ANXA11: variants seen among roughly 807,000 people sequenced by gnomAD.
ANXA11 encodes annexin A11.
In ANXA11, 57 loss-of-function variants were observed where a neutral mutation model predicts 64.7. The ratio of observed to expected loss-of-function variants is 0.88; its 90% confidence interval spans 0.71 to 1.10. ANXA11 has a LOEUF of 1.10. Among genes scored for constraint, ANXA11 ranks in the 50% least tolerant of loss-of-function variants. The pLI is 0.00. For synonymous variants in ANXA11, 260 were observed against 265.2 expected, an observed-to-expected ratio of 0.98 and a Z score of 0.19; for missense variants, 675 against 670.7, an observed-to-expected ratio of 1.01 and a Z score of -0.07.
intron 1 of ANXA11, among the ~76,000 whole-genome samples, chr10:80,182,847 T>G (rs35701438): frequency 0.042 from 6,321 of 152,288 alleles, 171 homozygotes; most frequent in Non-Finnish European, 0.066. Context: ...CTGGCAGTCT[T>G]GTGGGACTGA....
At position 80,163,682 on chromosome 10, in the gene ANXA11, A is replaced by G. The variant is rs969666312; in HGVS notation, c.950-69T>C. The G allele has an allele frequency of 4.2e-6, 6 of 1,414,520 alleles. No individual in the cohort carries two copies. The African/African-American group carries it at 5.7e-5, about 13-fold the overall frequency. The allele number at this position is 1,414,520 out of a possible 1,614,324, so 87.6% of individuals were successfully genotyped here. A position where few individuals can be genotyped will look rare whatever the true frequency, so the allele number is the denominator to read the frequency against. ...ATGGAGCTGCCCATTGCAAAACACT[A>G]TCAAAAGTGGGTACTGGGGAGAAAA... On this transcript the variant is annotated intron_variant, in intron 9 of 15. Coordinates refer to ENST00000422982, the MANE Select transcript of ANXA11 (RefSeq NM_145868.2).
chr10:80,173,975 T>G (rs1846074141), intron 2 of ANXA11, among the ~76,000 whole-genome samples: 1 of 152,238 alleles, frequency 6.6e-6, no homozygotes, highest in Admixed American at 6.5e-5. Context: ...GGAACTCACT[T>G]TGAAGACCAC....
At chr10:80,156,030 T>C in intron 15 of ANXA11, 118 bp from the exon 16 acceptor site, 1 of 1,055,126 alleles carries the variant, frequency 9.5e-7, no homozygotes, top group South Asian at 1.4e-5. Context: ...CCTGGGGAAT[T>C]TTCTCCCACT....
chr10:80,178,355 G>A (rs1003331131), intron 1 of ANXA11, among the ~76,000 whole-genome samples: 6 of 152,290 alleles, frequency 3.9e-5, no homozygotes, highest in East Asian at 1.9e-4. Context: ...CATGTCCCCC[G>A]CTCTACGCCT....
chr10:80,182,266 C>T (rs1386405393), intron 1 of ANXA11, among the ~76,000 whole-genome samples: 4 of 151,900 alleles, frequency 2.6e-5, no homozygotes, highest in Non-Finnish European at 5.9e-5. Context: ...CTTAATTTTG[C>T]TGTAAATCTA....
At chr10:80,201,509 A>G (rs1438208338) in intron 1 of ANXA11, among the ~76,000 whole-genome samples, 2 of 152,054 alleles carry the variant, frequency 1.3e-5, no homozygotes, top group Non-Finnish European at 2.9e-5. Context: ...CATGTCCAAA[A>G]CCAAATACAT....
intron 1 of ANXA11, among the ~76,000 whole-genome samples, chr10:80,199,406 T>C (rs1270959196): frequency 5.3e-5 from 8 of 152,240 alleles, no homozygotes; most frequent in Admixed American, 3.9e-4. Flanking sequence ...CAAGATAAAC[T>C]TTTTTAAGTG....
intron 1 of ANXA11, chr10:80,181,459 T>C (rs1846351978): frequency 1.3e-5 from 2 of 150,688 alleles, no homozygotes; most frequent in South Asian, 4.2e-4. Context: ...TGAAACCCTG[T>C]CTCAAAAAAA....
At chr10:80,199,121 A>G (rs1303880549) in intron 1 of ANXA11, among the ~76,000 whole-genome samples, 1 of 144,690 alleles carries the variant, frequency 6.9e-6, no homozygotes, top group Non-Finnish European at 1.5e-5. Context: ...TTTTGAGACC[A>G]AGTCTTGATC....
intron 5 of ANXA11, among the ~76,000 whole-genome samples, chr10:80,168,674 C>T (rs1393482961): frequency 6.6e-6 from 1 of 152,052 alleles, no homozygotes; most frequent in East Asian, 1.9e-4. Flanking sequence ...GCTGGGCCTA[C>T]AGGTATGCAC....
intron 1 of ANXA11, chr10:80,180,945 A>G (rs6585454): frequency 0.13 from 19,605 of 152,254 alleles, 1,397 homozygotes; most frequent in South Asian, 0.24. Context: ...TCTTACCCGC[A>G]TGATGTCTTC....
At chr10:80,156,058 C>T (rs568491726) in intron 15 of ANXA11, 146 bp from the exon 16 acceptor site, 25 of 749,960 alleles carry the variant, frequency 3.3e-5, no homozygotes, top group South Asian at 1.7e-4. Context: ...CTGCAGCAGG[C>T]GTCACAGACC....
At chr10:80,182,673 C>G (rs1846397797) in intron 1 of ANXA11, among the ~76,000 whole-genome samples, 1 of 152,098 alleles carries the variant, frequency 6.6e-6, no homozygotes, top group African/African-American at 2.4e-5. Context: ...AGGTATTTGT[C>G]CTAATGCTCT....
At chr10:80,157,134 T>C in intron 15 of ANXA11, 1 of 969,962 alleles carries the variant, frequency 1.0e-6, no homozygotes, top group Non-Finnish European at 1.2e-6. Context: ...ACAATGGAGC[T>C]GGGGTTCAGG....
At chr10:80,168,812 C>G (rs1183392999) in intron 5 of ANXA11, among the ~76,000 whole-genome samples, 157 bp downstream of exon 5, 1 of 152,212 alleles carries the variant, frequency 6.6e-6, no homozygotes, top group African/African-American at 2.4e-5. Context: ...GCTGGGATTA[C>G]AGGCATGAGT....
chr10:80,184,522 G>A (rs1397064950), intron 1 of ANXA11, among the ~76,000 whole-genome samples: 1 of 152,122 alleles, frequency 6.6e-6, no homozygotes, highest in Non-Finnish European at 1.5e-5. Context: ...TTGAGTCAGG[G>A]ACCGTGTGTG....
chr10:80,179,587 A>G (rs1846286142), intron 1 of ANXA11, among the ~76,000 whole-genome samples: 1 of 152,178 alleles, frequency 6.6e-6, no homozygotes, highest in South Asian at 2.1e-4. Context: ...ACGACCCTAT[A>G]GTCTAAGAAG....
Position 80,169,250 on chromosome 10 carries a change from G to A in ANXA11, c.280C>T (p.Pro94Ser). 4 of 1,611,882 alleles carry A rather than the reference G, an allele frequency of 2.5e-6. No homozygotes were observed. Among genetic ancestry groups the A allele is most frequent in the East Asian group, 2.2e-5 (1 of 44,866 alleles). Residue 94 changes from proline (P) to serine (S), a missense_variant, in exon 5 of 16, where the codon CCC (proline) becomes TCC (serine). Transcript: ENST00000422982. ...PVPPGGFGQP[P>S]SAQQPVPPYG... ...GGAGGAACAGGCTGCTGGGCAGAGG[G>A]GGGCTGCCCAAAGCCGCCAGGGGGC...
chr10:80,163,499 CT>C, intron 10 of ANXA11, 34 bp downstream of exon 10: 1 of 1,600,820 alleles, frequency 6.2e-7, no homozygotes, highest in African/African-American at 1.3e-5. Flanking sequence ...ACTTCCATGG[CT>C]TGGGGGCCCC....
Sources: allele counts gnomAD v4.1 joint callset (sites outside exome capture counted in the v4.1 genomes callset), GRCh38; gene constraint gnomAD v4.1.1; transcripts MANE v1.5; gene names NCBI Gene and HGNC (gene_info 2026-07-23, HGNC 2026-07-21).